The following INPP5F variants were observed in gnomAD, a reference collection of about 807,000 sequenced individuals.
The protein encoded by INPP5F is phosphatidylinositide 4-phosphatase SAC2.
A neutral mutation model predicts 137.2 loss-of-function variants in INPP5F; 97 were observed. That is an observed-to-expected ratio of 0.71 (90% CI 0.60 to 0.84). The LOEUF (loss-of-function observed/expected upper bound fraction) is 0.84. Among genes scored for constraint, INPP5F ranks in the 40% least tolerant of loss-of-function variants. INPP5F has a pLI of 0.00. For synonymous variants in INPP5F, 504 were observed against 476.9 expected, an observed-to-expected ratio of 1.06 and a Z score of -0.74; for missense variants, 1,271 against 1,371.9, an observed-to-expected ratio of 0.93 and a Z score of 1.16.
At chr10:119,791,727 A>G (rs1589718843) in intron 4 of INPP5F, 82 bp downstream of exon 4, 3 of 1,407,694 alleles carry the variant, frequency 2.1e-6, no homozygotes, top group Non-Finnish European at 2.9e-6. Context: ...CAGAAAATTT[A>G]TTTTTAAACC....
In INPP5F at chr10:119,792,160, G is replaced by T. The variant is rs1425101252; in HGVS notation, c.616G>T (p.Asp206Tyr). 2 of 1,614,152 alleles carry T rather than the reference G, an allele frequency of 1.2e-6. No homozygotes were observed. Among genetic ancestry groups the T allele is most frequent in the Admixed American group, 3.3e-5 (2 of 60,008 alleles). Residue 206 changes from aspartate to tyrosine, a missense_variant, in exon 6 of 20, where the codon GAT becomes TAT. By Grantham distance (160) the Asp-to-Tyr change is radical. Around this residue, in one of 6 missense-constraint regions of INPP5F, gnomAD observed 593 missense variants for 712.4 expected, o/e 0.83. Coordinates refer to ENST00000650623, the MANE Select transcript of INPP5F (RefSeq NM_014937.4). ...ATTGTTCCTGCACCTTTTCTAGGTT[G>T]ATGACCGATTTTTTTGGAATAAATA... ...RDGRPLWQKV[D>Y]DRFFWNKYMI...
rs1275386746 is a variant in INPP5F, at chr10:119,822,468, C to T, written c.1996C>T (p.Arg666Ter). 1.3e-6 allele frequency: 2 copies of T among 1,533,620 alleles called. No homozygotes were observed. The highest frequency in any genetic ancestry group is 2.3e-5 in the East Asian group (1 of 43,776). The change falls in exon 17 of 20, where the codon CGA becomes TGA. Residue 666 changes from arginine to a stop codon, truncating the protein, a stop_gained. Transcript: ENST00000650623. LOFTEE classifies it high-confidence loss of function. ...AGTTGATAAAGTAAACCAGTATCAA[C>T]GACTAAGTCTAGAAAACCTGGAAAA... ...DEVDKVNQYQ[R>*]LSLENLEKIE... is the part of the protein sequence containing the mutation.
At chr10:119,736,161 C>A (rs1848210244) in intron 1 of INPP5F, among the ~76,000 whole-genome samples, 1 of 152,110 alleles carries the variant, frequency 6.6e-6, no homozygotes, top group African/African-American at 2.4e-5. Context: ...GGATATATCC[C>A]AACACATTGC....
chr10:119,765,865 C>CTATATATATA (rs551639582), intron 2 of INPP5F, among the ~76,000 whole-genome samples: 23 of 29,880 alleles, frequency 7.7e-4, no homozygotes, highest in African/African-American at 1.6e-3. Flanking sequence ...ACACTATATA[C>CTATATATATA]TATATATATA....
chr10:119,764,821 G>A (rs550307288), intron 2 of INPP5F, among the ~76,000 whole-genome samples: 51 of 152,060 alleles, frequency 3.4e-4, no homozygotes, highest in South Asian at 8.3e-4. Context: ...CAGCTGATCC[G>A]CCTGTCTTGG....
Position 119,822,351 on chromosome 10 carries a change from T to G in INPP5F, c.1959-80T>G. On this transcript the variant is annotated intron_variant, in intron 16 of 19. Transcript: ENST00000650623. ...ATTTTGTTAACTGTATGTAACAGTTTGCAGCTATTATGCCTTCCCTGACAA... is the reference window on the plus strand; with the variant it reads ...ATTTTGTTAACTGTATGTAACAGTTGGCAGCTATTATGCCTTCCCTGACAA... 3 of 651,900 alleles carry G rather than the reference T, an allele frequency of 4.6e-6. No individual in the cohort carries two copies. The South Asian group carries it at 6.5e-5, about 14-fold the overall frequency. 40.4% of individuals were successfully genotyped at this position (651,900 alleles called of 1,614,324 possible).
intron 1 of INPP5F, among the ~76,000 whole-genome samples, chr10:119,732,740 A>G (rs1848118693): frequency 6.6e-6 from 1 of 151,158 alleles, no homozygotes; most frequent in Admixed American, 6.6e-5. Flanking sequence ...ACCTCAGATG[A>G]TCTGCCTGCC....
chr10:119,806,045 C>T (rs1250851291), intron 11 of INPP5F, among the ~76,000 whole-genome samples: 2 of 152,020 alleles, frequency 1.3e-5, no homozygotes, highest in Non-Finnish European at 2.9e-5. Flanking sequence ...TTTTAAAGTG[C>T]CTTCTGTTTT....
At chr10:119,727,221 G>A (rs1847920610) in intron 1 of INPP5F, among the ~76,000 whole-genome samples, 1 of 152,186 alleles carries the variant, frequency 6.6e-6, no homozygotes, top group African/African-American at 2.4e-5. Flanking sequence ...TTCCACTTTA[G>A]GGAAAGCGAG....
At chr10:119,745,634 C>A (rs1246716647) in intron 1 of INPP5F, among the ~76,000 whole-genome samples, 1 of 151,072 alleles carries the variant, frequency 6.6e-6, no homozygotes, top group African/African-American at 2.4e-5. Context: ...AATCCCTGGC[C>A]GTAATCTTAT....
intron 3 of INPP5F, among the ~76,000 whole-genome samples, chr10:119,785,070 G>A (rs550181891): frequency 1.1e-4 from 17 of 152,020 alleles, no homozygotes; most frequent in African/African-American, 3.6e-4. Context: ...ATAATCCCTT[G>A]TATGGGTATG....
intron 15 of INPP5F, among the ~76,000 whole-genome samples, chr10:119,816,976 G>A (rs963051167): frequency 4.6e-5 from 7 of 152,122 alleles, no homozygotes; most frequent in Non-Finnish European, 5.9e-5. Context: ...GAGAAGCCCC[G>A]TACTTTTTAG....
chr10:119,792,114 GAAATA>G, intron 5 of INPP5F, 38 bp from the exon 6 acceptor site: 1 of 1,614,078 alleles, frequency 6.2e-7, no homozygotes, highest in African/African-American at 1.3e-5. Flanking sequence ...TAGGAAAACT[GAAATA>G]ATGTGTTTCT....
At chr10:119,806,333 A>G in intron 11 of INPP5F, 27 bp from the exon 12 acceptor site, 4 of 1,459,678 alleles carry the variant, frequency 2.7e-6, no homozygotes, top group South Asian at 1.3e-5. Context: ...TTATATTGTA[A>G]AATAATTCTG....
intron 9 of INPP5F, among the ~76,000 whole-genome samples, chr10:119,799,969 A>G (rs968586977): frequency 1.3e-5 from 2 of 152,056 alleles, no homozygotes; most frequent in African/African-American, 2.4e-5. Context: ...TTTATTTTTA[A>G]AAAACACTCT....
chr10:119,728,446 A>G (rs146921594), intron 1 of INPP5F, among the ~76,000 whole-genome samples: 3 of 152,252 alleles, frequency 2.0e-5, no homozygotes, highest in Admixed American at 2.0e-4. Flanking sequence ...TCTTTATTTT[A>G]TTGGACTTTT....
At chr10:119,821,526 T>C (rs1475650630) in intron 16 of INPP5F, among the ~76,000 whole-genome samples, 1 of 152,278 alleles carries the variant, frequency 6.6e-6, no homozygotes, top group Middle Eastern at 3.2e-3. Flanking sequence ...TTGTATTTAC[T>C]AAGTAAATAT....
intron 15 of INPP5F, chr10:119,816,164 G>C (rs1851268064): frequency 6.6e-6 from 1 of 152,310 alleles, no homozygotes; most frequent in South Asian, 2.1e-4. Flanking sequence ...CTTTTGGAGA[G>C]CCAGGTGGTT....
chr10:119,771,871 TATATATATA>T lies in INPP5F; in HGVS notation c.179-9763_179-9755del, dbSNP rs1308527611. Among the ~76,000 whole-genome samples, 60 of 17,472 alleles carry T rather than the reference TATATATATA, an allele frequency of 3.4e-3. 1 individual carries two copies. The highest frequency in any genetic ancestry group is 4.6e-3 in the Non-Finnish European group (39 of 8,518). The allele number at this position is 17,472 out of a possible 152,430, so 11.5% of individuals were successfully genotyped here. On this transcript the variant is annotated intron_variant, in intron 2 of 19. Transcript: ENST00000650623. ...ATATATATATATATATATATATATATATATATATATATTTTTTTTTTTTTTTTTTTTTTT... is the reference window on the plus strand; with the variant it reads ...ATATATATATATATATATATATATATTATTTTTTTTTTTTTTTTTTTTTTT...
Sources: gnomAD v4.1 joint callset for allele counts (sites outside exome capture counted in the v4.1 genomes callset) on GRCh38, gnomAD v4.1.1 for gene constraint, gnomAD v4.1.1 regional missense constraint, MANE v1.5 for transcripts, NCBI Gene and HGNC (gene_info 2026-07-23, HGNC 2026-07-21) for gene names.